The following PTGIR variants were observed in gnomAD, a reference collection of about 807,000 sequenced individuals.
PTGIR encodes the protein prostacyclin receptor.
In PTGIR, 16 loss-of-function variants were observed where a neutral mutation model predicts 17.6. The observed-to-expected ratio is 0.91, with a 90% confidence interval of 0.61 to 1.38. PTGIR has a LOEUF of 1.38. Among genes scored for constraint, PTGIR ranks in the 40% most tolerant of loss-of-function variants. The probability of loss-of-function intolerance (pLI) is 0.00; values close to 1 mark genes in which losing one functional copy is unlikely to be tolerated. For synonymous variants in PTGIR, 274 were observed against 255.4 expected, an observed-to-expected ratio of 1.07 and a Z score of -0.69; for missense variants, 532 against 548.6, an observed-to-expected ratio of 0.97 and a Z score of 0.30.
In PTGIR at chr19:46,623,995, G is replaced by A. The variant is rs1222864926; in HGVS notation, c.231C>T (p.Arg77=). The A allele has an allele frequency of 1.9e-6, 3 of 1,556,358 alleles. No homozygotes were observed. Among genetic ancestry groups the A allele is most frequent in the African/African-American group, 2.7e-5 (2 of 73,306 alleles). The change falls in exon 2 of 3, where the codon CGC becomes CGT. Residue 77 remains arginine, a synonymous_variant. Coordinates refer to ENST00000291294, the MANE Select transcript of PTGIR (RefSeq NM_000960.4). ...LSPAVFVAYA[R]NSSLLGLARG... is the part of the protein sequence containing the mutation. ...GGGCCAGGCCCAGCAGGGAGCTGTT[G>A]CGCGCATAGGCCACGAACACGGCCG...
the PTGIR span, chr19:46,614,384 G>GT: frequency 1.0e-6 from 1 of 985,362 alleles, no homozygotes; most frequent in Non-Finnish European, 1.2e-6. Flanking sequence ...GTGCGCCGGT[G>GT]TTTAAGTCCC....
chr19:46,619,531 AAGAAAGAAAGAAAGAAAGAGAGAG>A (rs1469937038), downstream of PTGIR, among the ~76,000 whole-genome samples: 2 of 70,554 alleles, frequency 2.8e-5, no homozygotes, highest in Admixed American at 1.5e-4. Flanking sequence ...GAAAGAAAGA[AAGAAAGAAAGAAAGAAAGAGAGAG>A]AGAGAGAGAG....
intron 2 of PTGIR, chr19:46,622,973 T>A (rs1358771288): frequency 6.8e-6 from 1 of 146,558 alleles, no homozygotes; most frequent in Non-Finnish European, 1.5e-5. Context: ...TTTTTCTTTT[T>A]TTTCTTATTT....
At chr19:46,622,788 C>A (rs1322489172) in intron 2 of PTGIR, 2 of 152,220 alleles carry the variant, frequency 1.3e-5, no homozygotes, top group Admixed American at 6.5e-5. Flanking sequence ...ACTGCAGCCT[C>A]AACCTCCCAG....
the PTGIR span, among the ~76,000 whole-genome samples, chr19:46,612,869 GCTCA>G: frequency 6.6e-6 from 1 of 152,044 alleles, no homozygotes; most frequent in African/African-American, 2.4e-5. Flanking sequence ...GAGTCTTCGT[GCTCA>G]CTAAGTCCCA....
In PTGIR at chr19:46,621,432, AG is replaced by A. The variant is rs771355379; in HGVS notation, c.1008del (p.Ser337LeufsTer55). The A allele has an allele frequency of 4.3e-6, 7 of 1,613,202 alleles. 1 individual carries two copies. The Admixed American group carries it at 1.2e-4, about 27-fold the overall frequency. On this transcript the variant is annotated frameshift_variant, in exon 3 of 3. Transcript: ENST00000291294. LOFTEE classifies it low-confidence loss of function (END_TRUNC). The surrounding 1 kb of genome is among the most constrained non-coding windows in gnomAD (Gnocchi z 4.8). ...CTCCCCTCCTTTCCCACAGGAGCAGAGGGGGCCCTTGGGTCCCTCCTCCCTG... is the reference window on the plus strand; with the variant it reads ...CTCCCCTCCTTTCCCACAGGAGCAGAGGGGCCCTTGGGTCCCTCCTCCCTG... ...LASGRRDPRA[P>X]SAPVGKEGSC... is the part of the protein sequence containing the mutation.
At position 46,624,095 on chromosome 19, in the gene PTGIR, G is replaced by A. The variant is rs757318746; in HGVS notation, c.131C>T (p.Ala44Val). The A allele has an allele frequency of 1.1e-5, 17 of 1,539,540 alleles. No homozygotes were observed. Among genetic ancestry groups the A allele is most frequent in the East Asian group, 2.4e-5 (1 of 41,342 alleles). Residue 44 changes from alanine (A) to valine (V), a missense_variant, in exon 2 of 3, where the codon GCG becomes GTG. By Grantham distance (64) the Ala-to-Val change is moderately conservative. Coordinates refer to ENST00000291294, the MANE Select transcript of PTGIR (RefSeq NM_000960.4). The stretch of plus-strand genomic sequence containing the variant: ...CAGCACCGCGAAGGCCGAGGGGCGC[G>A]CCGGTCGCCGTGCGCTCAGGATGCC... ...ALGILSARRP[A>V]RPSAFAVLVT...
chr19:46,613,027 CTTTTTTTTTTTTTTTTTTTT>C, the PTGIR span, among the ~76,000 whole-genome samples: 2 of 74,174 alleles, frequency 2.7e-5, no homozygotes, highest in Non-Finnish European at 4.9e-5. Context: ...TTGTGCCAAA[CTTTTTTTTTTTTTTTTTTTT>C]TTTTTTTTTT....
chr19:46,621,307 T>G lies in PTGIR; in HGVS notation c.1134A>C (p.Glu378Asp). The change falls in exon 3 of 3, where the codon GAA (glutamate) becomes GAC (aspartate). Residue 378 changes from glutamate (E) to aspartate (D), a missense_variant. Coordinates refer to ENST00000291294, the MANE Select transcript of PTGIR (RefSeq NM_000960.4). This position sits in a 1 kb window ranked among gnomAD's most constrained non-coding sequence, Gnocchi z 4.8. Reference sequence around the variant, plus strand: ...AGCAGAGGGAGCAGGCGACGCTGGCTTCTGCTTTGGACGACGTTCCCACGG... The same window carrying G: ...AGCAGAGGGAGCAGGCGACGCTGGCGTCTGCTTTGGACGACGTTCCCACGG... The part of the protein sequence containing the change: ...GSAVGTSSKA[E>D]ASVACSLC 6.6e-7 allele frequency: 1 copy of G among 1,517,298 alleles called. No homozygotes were observed. Among genetic ancestry groups the G allele is most frequent in the Non-Finnish European group, 8.8e-7 (1 of 1,132,322 alleles). The allele number at this position is 1,517,298 out of a possible 1,614,324, so 94.0% of individuals were successfully genotyped here.
Position 46,624,102 on chromosome 19 carries a change from G to A in PTGIR, c.124C>T (p.Arg42Ter), listed in dbSNP as rs1345598621. The change falls in exon 2 of 3, where the codon CGA (arginine) becomes TGA (stop). Residue 42 changes from arginine (R) to a stop codon, truncating the protein, a stop_gained. Transcript: ENST00000291294. LOFTEE classifies it high-confidence loss of function. ...GCGAAGGCCGAGGGGCGCGCCGGTC[G>A]CCGTGCGCTCAGGATGCCCAGGGCC... ...GLALGILSAR[R>*]PARPSAFAVL... 1.3e-6 allele frequency: 2 copies of A among 1,539,318 alleles called. No homozygotes were observed. Among genetic ancestry groups the A allele is most frequent in the African/African-American group, 1.4e-5 (1 of 73,136 alleles).
intron 2 of PTGIR, chr19:46,622,999 T>TG (rs1440454796): frequency 1.4e-5 from 2 of 145,470 alleles, no homozygotes; most frequent in African/African-American, 5.0e-5. Flanking sequence ...TTTTTTTTTT[T>TG]GGGACGGGGT....
rs1436908748 is a variant in PTGIR, at chr19:46,624,250, C to T, written c.-12-13G>A. On this transcript the variant is annotated splice_polypyrimidine_tract_variant and intron_variant, in intron 1 of 2. Transcript: ENST00000291294. ...TCCCAGGTCTGGGCTGGAGGGTTCC[C>T]AAGGTGGGGGGTCAGAGGGAGCCAG... 10 of 1,419,902 alleles carry T rather than the reference C, an allele frequency of 7.0e-6. No homozygotes were observed. In the African/African-American group the frequency reaches 1.2e-4, roughly 17 times the overall value. 88.0% of individuals were successfully genotyped at this position (1,419,902 alleles called of 1,614,324 possible). A position where few individuals can be genotyped will look rare whatever the true frequency, so the allele number is the denominator to read the frequency against.
At chr19:46,619,548 AGAG>A (rs1244722971), downstream of PTGIR, among the ~76,000 whole-genome samples, 1 of 74,996 alleles carries the variant, frequency 1.3e-5, no homozygotes, top group Non-Finnish European at 3.0e-5. Context: ...AAAGAAAGAA[AGAG>A]AGAGAGAGAG....
chr19:46,611,803 G>A, the PTGIR span, among the ~76,000 whole-genome samples: 2 of 152,224 alleles, frequency 1.3e-5, no homozygotes, highest in African/African-American at 4.8e-5. Context: ...ATTCTCCCTC[G>A]GGGGAATGGG....
chr19:46,611,785 C>T, the PTGIR span, among the ~76,000 whole-genome samples: 2 of 152,236 alleles, frequency 1.3e-5, no homozygotes, highest in Non-Finnish European at 2.9e-5. Context: ...TCCTCAAGGG[C>T]TCTTCTCATT....
chr19:46,623,859 G>A lies in PTGIR; in HGVS notation c.367C>T (p.His123Tyr). Residue 123 changes from histidine (H) to tyrosine (Y), a missense_variant, in exon 2 of 3, where the codon CAC (histidine) becomes TAC (tyrosine). Transcript: ENST00000291294. Reference sequence around the variant, plus strand: ...TCCAGCTGCGCGTAGAGGTAGGGGTGGCTCAGCGCCAGGCAGCGCTCCACG... The same window carrying A: ...TCCAGCTGCGCGTAGAGGTAGGGGTAGCTCAGCGCCAGGCAGCGCTCCACG... The part of the protein sequence containing the change: ...MAVERCLALS[H>Y]PYLYAQLDGP... 1.2e-6 allele frequency: 2 copies of A among 1,610,078 alleles called. No homozygotes were observed. The highest frequency in any genetic ancestry group is 1.7e-6 in the Non-Finnish European group (2 of 1,178,712).
downstream of PTGIR, among the ~76,000 whole-genome samples, chr19:46,620,252 A>G (rs1348035241): frequency 6.6e-6 from 1 of 152,118 alleles, no homozygotes; most frequent in East Asian, 1.9e-4. Flanking sequence ...GGTGTGCACC[A>G]CCACGCCCAG....
the PTGIR span, among the ~76,000 whole-genome samples, chr19:46,611,465 G>A: frequency 1.1e-4 from 16 of 152,338 alleles, no homozygotes; most frequent in African/African-American, 3.6e-4. Context: ...GGGAGGGCAC[G>A]GGACTCAGTG....
chr19:46,612,065 G>A, the PTGIR span, among the ~76,000 whole-genome samples: 1 of 152,264 alleles, frequency 6.6e-6, no homozygotes. Flanking sequence ...GACATTGGGA[G>A]TGGCAGGCCA....
Sources: gnomAD v4.1 joint callset for allele counts (sites outside exome capture counted in the v4.1 genomes callset) on GRCh38, gnomAD v4.1.1 for gene constraint, Gnocchi (gnomAD v3.1) non-coding constraint, MANE v1.5 for transcripts, NCBI Gene and HGNC (gene_info 2026-07-23, HGNC 2026-07-21) for gene names.